The following YBEY variants were observed in gnomAD, a reference collection of about 807,000 sequenced individuals.
The protein encoded by YBEY is endoribonuclease YbeY.
A neutral mutation model predicts 13.5 loss-of-function variants in YBEY; 15 were observed. The ratio of observed to expected loss-of-function variants is 1.11; its 90% CI spans 0.75 to 1.72. The LOEUF (loss-of-function observed/expected upper bound fraction) is 1.72. Among genes scored for constraint, YBEY ranks in the 40% most tolerant of loss-of-function variants. YBEY has a pLI of 0.00. For missense variants in YBEY, 244 were observed against 208.4 expected, an observed-to-expected ratio of 1.17 and a Z score of -1.05; for synonymous variants, 101 against 83.1, an observed-to-expected ratio of 1.21 and a Z score of -1.17.
chr21:46,297,602 C>T lies in YBEY; in HGVS notation c.472C>T (p.Pro158Ser). 7.3e-7 allele frequency: 1 copy of T among 1,373,744 alleles called. No homozygotes were observed. Among genetic ancestry groups the T allele is most frequent in the Non-Finnish European group, 9.5e-7 (1 of 1,049,044 alleles). 85.1% of individuals were successfully genotyped at this position (1,373,744 alleles called of 1,614,324 possible). The stretch of plus-strand genomic sequence containing the variant: ...CCGACGCACGGGGACCCGGCTGCAG[C>T]CCCTGACCCGGGGCCTCTTCGGAGG... The part of the protein sequence containing the change: ...LGRRTGTRLQ[P>S]LTRGLFGGS The change falls in exon 5 of 5, where the codon CCC (proline) becomes TCC (serine). Residue 158 changes from proline to serine, a missense_variant. Transcript: ENST00000397701.
At chr21:46,301,085 C>CT (rs75629316), downstream of YBEY, 112,974 of 735,294 alleles carry the variant, frequency 0.15, 570 homozygotes, top group Non-Finnish European at 0.17. Context: ...AGCACTCTCC[C>CT]TTTTTTTTTT....
At position 46,297,592 on chromosome 21, in the gene YBEY, C is replaced by T. The variant is rs1454475376; in HGVS notation, c.462C>T (p.Thr154=). ...VLDELGRRTG[T]RLQPLTRGLF... ...ACGAGCTGGGCCGACGCACGGGGAC[C>T]CGGCTGCAGCCCCTGACCCGGGGCC... is the stretch of plus-strand genomic sequence containing the variant. The change falls in exon 5 of 5, where the codon ACC becomes ACT. Residue 154 remains threonine, a synonymous_variant. Coordinates refer to ENST00000397701, the MANE Select transcript of YBEY (RefSeq NM_001314025.2). 1 of 1,379,932 alleles carries T rather than the reference C, an allele frequency of 7.2e-7. No individual in the cohort carries two copies. Among genetic ancestry groups the T allele is most frequent in the Non-Finnish European group, 9.5e-7 (1 of 1,052,150 alleles). 85.5% of individuals were successfully genotyped at this position (1,379,932 alleles called of 1,614,324 possible).
At chr21:46,292,004 A>G (rs1435323041) in intron 3 of YBEY, 3 of 316,976 alleles carry the variant, frequency 9.5e-6, no homozygotes, top group African/African-American at 4.5e-5. Flanking sequence ...TCTACAGGCA[A>G]TTTGGCAGGC....
intron 3 of YBEY, 148 bp downstream of exon 3, chr21:46,291,610 C>T (rs2081715422): frequency 2.1e-6 from 3 of 1,461,246 alleles, no homozygotes; most frequent in Non-Finnish European, 9.0e-7. Context: ...GTGAGGAGCA[C>T]CCAGGCTGGG....
intron 3 of YBEY, among the ~76,000 whole-genome samples, chr21:46,293,211 G>A (rs1365921909): frequency 2.2e-5 from 2 of 89,508 alleles, no homozygotes; most frequent in African/African-American, 7.0e-5. Context: ...GGACTCAGTG[G>A]GGACAGCCAC....
intron 4 of YBEY, among the ~76,000 whole-genome samples, 189 bp from the exon 5 acceptor site, chr21:46,297,350 G>C (rs1193408346): frequency 2.0e-5 from 3 of 151,072 alleles, no homozygotes; most frequent in South Asian, 4.2e-4. Flanking sequence ...GTGGCGGTTC[G>C]TGCACTCGCT....
intron 2 of YBEY, among the ~76,000 whole-genome samples, chr21:46,290,308 C>T (rs915077114): frequency 6.6e-6 from 1 of 152,036 alleles, no homozygotes; most frequent in African/African-American, 2.4e-5. Flanking sequence ...CAGGTTCAAG[C>T]GATTCTCCTG....
the YBEY span, among the ~76,000 whole-genome samples, chr21:46,306,069 C>CA: frequency 1.3e-3 from 156 of 122,390 alleles, 1 homozygote; most frequent in South Asian, 0.01. Context: ...CACTGTGACT[C>CA]AAAAAAAAAA....
At chr21:46,304,459 C>T in the YBEY span, among the ~76,000 whole-genome samples, 2 of 151,334 alleles carry the variant, frequency 1.3e-5, no homozygotes, top group African/African-American at 4.9e-5. Flanking sequence ...GCACTCCAGC[C>T]TGGGCAATGG....
chr21:46,300,676 C>T, downstream of YBEY: 1 of 1,276,204 alleles, frequency 7.8e-7, no homozygotes, highest in Non-Finnish European at 1.0e-6. Flanking sequence ...CCCTGGGGAG[C>T]TCTGCAGCTC....
At chr21:46,297,868 C>T (rs769066283), downstream of YBEY, 18 of 980,858 alleles carry the variant, frequency 1.8e-5, no homozygotes, top group Non-Finnish European at 2.3e-5. Flanking sequence ...GCGCAGCGCT[C>T]GCCTCTCGCC....
At chr21:46,296,638 G>A (rs11700398) in intron 4 of YBEY, among the ~76,000 whole-genome samples, 85,135 of 151,652 alleles carry the variant, frequency 0.56, 24,664 homozygotes, top group Non-Finnish European at 0.64. Flanking sequence ...TAACACGCAC[G>A]CAAGCCCGTG....
At chr21:46,310,156 A>G in the YBEY span, among the ~76,000 whole-genome samples, 23 of 152,242 alleles carry the variant, frequency 1.5e-4, no homozygotes, top group Admixed American at 4.6e-4. Context: ...GATTGTAGTG[A>G]TATAAGTATA....
intron 3 of YBEY, among the ~76,000 whole-genome samples, chr21:46,295,524 C>T (rs1383751066): frequency 6.6e-6 from 1 of 152,112 alleles, no homozygotes; most frequent in Non-Finnish European, 1.5e-5. Context: ...CTCTGGGCTC[C>T]ATCCGGGTGC....
downstream of YBEY, chr21:46,301,047 A>G: frequency 9.7e-7 from 1 of 1,027,672 alleles, no homozygotes; most frequent in Non-Finnish European, 1.2e-6. Context: ...GCAAACCAGC[A>G]TGTAGAGATT....
chr21:46,297,880 T>C, downstream of YBEY: 1 of 861,126 alleles, frequency 1.2e-6, no homozygotes, highest in Non-Finnish European at 1.5e-6. Flanking sequence ...CCTCTCGCCC[T>C]TCAAGGGGGT....
chr21:46,298,492 G>A (rs111935772), downstream of YBEY, among the ~76,000 whole-genome samples: 81,520 of 136,418 alleles, frequency 0.6, 26,061 homozygotes, highest in Non-Finnish European at 0.71. Flanking sequence ...GCAGTGGTGC[G>A]ATCTCGGCTC....
the YBEY span, among the ~76,000 whole-genome samples, chr21:46,303,697 CA>C: frequency 8.8e-6 from 1 of 113,344 alleles, no homozygotes; most frequent in Non-Finnish European, 1.8e-5. Flanking sequence ...CACACACACA[CA>C]CACACACAAA....
chr21:46,301,862 G>GC, downstream of YBEY: 1 of 1,288,452 alleles, frequency 7.8e-7, no homozygotes, highest in Non-Finnish European at 9.8e-7. Context: ...GGAGGAGCCT[G>GC]CAGTCCACAC....
Sources: gnomAD v4.1 joint callset for allele counts (sites outside exome capture counted in the v4.1 genomes callset) on GRCh38, gnomAD v4.1.1 for gene constraint, MANE v1.5 for transcripts, NCBI Gene and HGNC (gene_info 2026-07-23, HGNC 2026-07-21) for gene names.